Variants in NGEF observed in about 807,000 individuals in gnomAD.
NGEF encodes ephexin-1.
A neutral mutation model predicts 80.9 loss-of-function variants in NGEF; 31 were observed. The observed-to-expected ratio is 0.38, with a 90% CI of 0.29 to 0.52. The LOEUF (loss-of-function observed/expected upper bound fraction) is 0.52. NGEF is among the 20% of genes least tolerant of loss of function. The pLI is 0.84. For synonymous variants in NGEF, 371 were observed against 370.2 expected, an observed-to-expected ratio of 1.00 and a Z score of -0.03; for missense variants, 709 against 926.2, an observed-to-expected ratio of 0.77 and a Z score of 3.04.
chr2:232,964,938 A>G (rs1047763623), intron 3 of NGEF, among the ~76,000 whole-genome samples: 2 of 152,238 alleles, frequency 1.3e-5, no homozygotes, highest in Non-Finnish European at 2.9e-5. Context: ...AATGTTCTAT[A>G]TCTTGGTCCA....
At chr2:232,969,472 T>TCCTTCCTTCCTTCCTTCCTTCCCTC (rs113106676) in intron 3 of NGEF, among the ~76,000 whole-genome samples, 1 of 92,724 alleles carries the variant, frequency 1.1e-5, no homozygotes, top group Non-Finnish European at 1.9e-5. Flanking sequence ...CTTCCTTCCT[T>TCCTTCCTTCCTTCCTTCCTTCCCTC]CTTCCTTCCT....
chr2:232,927,258 G>A, intron 3 of NGEF, 72 bp from the exon 4 acceptor site: 2 of 1,467,664 alleles, frequency 1.4e-6, no homozygotes, highest in Non-Finnish European at 1.8e-6. Context: ...CTAGCGAGGG[G>A]CGTGCGCACA....
intron 3 of NGEF, among the ~76,000 whole-genome samples, chr2:232,942,886 A>C (rs1346305620): frequency 6.8e-6 from 1 of 147,298 alleles, no homozygotes; most frequent in East Asian, 2.0e-4. Context: ...TCAGTTTACC[A>C]GCAGAGAAGT....
In NGEF at chr2:233,000,209, C is replaced by T. The variant is rs145615238; in HGVS notation, c.-75+12859G>A. Among the ~76,000 whole-genome samples the T allele has an allele frequency of 2.3e-3, 351 of 152,312 alleles. 4 individuals carry two copies. The highest frequency in any genetic ancestry group is 0.021 in the East Asian group (107 of 5,168). ...CACCCGGACTCAAGCGATCTTCCCG[C>T]CTCAGTCTCCTGAGTAGCTGGGACT... On this transcript the variant is annotated intron_variant, in intron 1 of 14. Coordinates refer to ENST00000264051, the MANE Select transcript of NGEF (RefSeq NM_019850.3).
At chr2:232,907,159 T>TAAAAAAAAAAAAAAAAAAA (rs1181408500) in intron 5 of NGEF, among the ~76,000 whole-genome samples, 1 of 25,840 alleles carries the variant, frequency 3.9e-5, no homozygotes, top group African/African-American at 1.3e-4. Context: ...AATGATCAAT[T>TAAAAAAAAAAAAAAAAAAA]AAAAAAAAAA....
intron 14 of NGEF, 80 bp downstream of exon 14, chr2:232,881,066 C>T (rs1691485927): frequency 1.7e-5 from 18 of 1,084,200 alleles, no homozygotes; most frequent in Non-Finnish European, 2.5e-5. Context: ...ACAGTGGTGG[C>T]ATCTGCTTCT....
At chr2:232,966,648 T>C (rs1694066118) in intron 3 of NGEF, among the ~76,000 whole-genome samples, 1 of 152,096 alleles carries the variant, frequency 6.6e-6, no homozygotes, top group Admixed American at 6.5e-5. Context: ...GCCAGCCCCG[T>C]CACTCCCCCT....
Position 232,975,464 on chromosome 2 carries a change from C to T in NGEF, c.-74-500G>A, listed in dbSNP as rs530902871. Among the ~76,000 whole-genome samples, 21 of 152,276 alleles carry T rather than the reference C, an allele frequency of 1.4e-4. No individual in the cohort carries two copies. In the South Asian group the frequency reaches 3.9e-3, roughly 29 times the overall value. On this transcript the variant is annotated intron_variant, in intron 1 of 14. Transcript: ENST00000264051. ...AGCTGGCAACCAAGTCTAGTGGGTG[C>T]ATTAGTGGCCTTTCTGATGGAATGA...
chr2:233,012,981 T>C, intron 1 of NGEF, 87 bp downstream of exon 1: 1 of 462,262 alleles, frequency 2.2e-6, no homozygotes, highest in Non-Finnish European at 4.5e-6. Flanking sequence ...TAATCTCCTT[T>C]CCTACCTGTC....
At chr2:232,954,631 A>G (rs1693758222) in intron 3 of NGEF, among the ~76,000 whole-genome samples, 1 of 151,954 alleles carries the variant, frequency 6.6e-6, no homozygotes, top group Non-Finnish European at 1.5e-5. Flanking sequence ...AGGCTGAGGC[A>G]GGACAATGGA....
intron 3 of NGEF, among the ~76,000 whole-genome samples, chr2:232,951,182 C>T (rs1226014322): frequency 2.0e-5 from 3 of 152,194 alleles, no homozygotes; most frequent in Non-Finnish European, 4.4e-5. Context: ...GGACAGACAC[C>T]AGGACCATTC....
At chr2:232,887,868 A>AT (rs1212878344) in intron 9 of NGEF, among the ~76,000 whole-genome samples, 165 bp downstream of exon 9, 1 of 152,172 alleles carries the variant, frequency 6.6e-6, no homozygotes, top group African/African-American at 2.4e-5. Flanking sequence ...TGCCTGGTGT[A>AT]TTTTTTTAAG....
At position 232,945,822 on chromosome 2, in the gene NGEF, T is replaced by C. The variant is rs543474312; in HGVS notation, c.384-18636A>G. 1.3e-4 allele frequency among the ~76,000 whole-genome samples: 19 copies of C among 151,492 alleles called. No homozygotes were observed. The South Asian group carries it at 3.6e-3, about 28-fold the overall frequency. On this transcript the variant is annotated intron_variant, in intron 3 of 14. Transcript: ENST00000264051. Reference sequence around the variant, plus strand: ...GTGGAGTCATTCTGAAATTGTTCTGTGTGCATTTGTAGAATAGAGCAATGT... The same window carrying C: ...GTGGAGTCATTCTGAAATTGTTCTGCGTGCATTTGTAGAATAGAGCAATGT...
intron 3 of NGEF, among the ~76,000 whole-genome samples, chr2:232,958,881 A>G (rs1273492908): frequency 6.6e-6 from 1 of 150,846 alleles, no homozygotes; most frequent in African/African-American, 2.4e-5. Context: ...ACTCCCACCC[A>G]CTCCTCCCCA....
At chr2:232,975,000 A>C (rs75758173) in intron 1 of NGEF, 36 bp from the exon 2 acceptor site, 118,499 of 1,095,744 alleles carry the variant, frequency 0.11, 7,267 homozygotes, top group Middle Eastern at 0.18. Flanking sequence ...TCAGTTAGTC[A>C]TCAGGCTAAG....
chr2:232,958,982 T>C (rs1356005802), intron 3 of NGEF, among the ~76,000 whole-genome samples: 1 of 152,110 alleles, frequency 6.6e-6, no homozygotes, highest in Non-Finnish European at 1.5e-5. Flanking sequence ...TGAGGTTAAA[T>C]ATAGGTTAAA....
At chr2:232,904,806 A>G (rs1314045427) in intron 5 of NGEF, among the ~76,000 whole-genome samples, 3 of 151,930 alleles carry the variant, frequency 2.0e-5, no homozygotes, top group Non-Finnish European at 2.9e-5. Context: ...ATTAGCCTGG[A>G]GTGGTGGTGC....
intron 3 of NGEF, among the ~76,000 whole-genome samples, chr2:232,951,486 C>CA (rs551480771): frequency 1.0e-3 from 152 of 152,134 alleles, no homozygotes; most frequent in Non-Finnish European, 1.8e-3. Flanking sequence ...TTAAACTTGG[C>CA]AAAAATGGAG....
intron 1 of NGEF, among the ~76,000 whole-genome samples, chr2:233,009,851 C>G (rs1013945968): frequency 6.6e-6 from 1 of 152,112 alleles, no homozygotes; most frequent in African/African-American, 2.4e-5. Context: ...GGGGTCCTGG[C>G]ATCTTGGGTT....
Sources: allele counts gnomAD v4.1 joint callset (sites outside exome capture counted in the v4.1 genomes callset), GRCh38; gene constraint gnomAD v4.1.1; transcripts MANE v1.5; gene names NCBI Gene and HGNC (gene_info 2026-07-23, HGNC 2026-07-21).